Variants in KIF2A observed in about 807,000 individuals in gnomAD.
KIF2A encodes kinesin-like protein KIF2A.
A neutral mutation model predicts 100.2 loss-of-function variants in KIF2A; 22 were observed. That is an observed-to-expected ratio of 0.22 (90% CI 0.16 to 0.31). The LOEUF is 0.31. KIF2A is among the 10% of genes least tolerant of loss of function. The pLI is 1.00. For synonymous variants in KIF2A, 268 were observed against 285.9 expected, an observed-to-expected ratio of 0.94 and a Z score of 0.63; for missense variants, 495 against 898.7, an observed-to-expected ratio of 0.55 and a Z score of 5.74.
At chr5:62,314,970 C>T (rs1324779683) in intron 1 of KIF2A, among the ~76,000 whole-genome samples, 1 of 151,694 alleles carries the variant, frequency 6.6e-6, no homozygotes, top group Admixed American at 6.6e-5. Flanking sequence ...ACCATGTTGG[C>T]CAGGCTGGTC....
chr5:62,307,480 A>G (rs986111752), intron 1 of KIF2A, among the ~76,000 whole-genome samples: 7 of 152,124 alleles, frequency 4.6e-5, no homozygotes, highest in African/African-American at 1.7e-4. Flanking sequence ...CGCCAGCCAG[A>G]CTGGAAATAA....
intron 1 of KIF2A, chr5:62,308,289 T>C: frequency 7.4e-7 from 1 of 1,347,012 alleles, no homozygotes; most frequent in Non-Finnish European, 9.7e-7. Context: ...GAAAGAGTGC[T>C]GTTAATGTCA....
intron 14 of KIF2A, among the ~76,000 whole-genome samples, chr5:62,364,370 A>G (rs995392651): frequency 6.6e-5 from 10 of 152,066 alleles, no homozygotes; most frequent in Admixed American, 3.9e-4. Context: ...CTGGTCTTGA[A>G]CTTCTGACCT....
intron 1 of KIF2A, among the ~76,000 whole-genome samples, chr5:62,323,406 C>T (rs1004388977): frequency 6.6e-6 from 1 of 151,752 alleles, no homozygotes; most frequent in Non-Finnish European, 1.5e-5. Flanking sequence ...GCCTGTAGTC[C>T]TAGCTACTTG....
intron 1 of KIF2A, among the ~76,000 whole-genome samples, chr5:62,331,576 C>T (rs1031267483): frequency 1.3e-5 from 2 of 151,800 alleles, no homozygotes; most frequent in Non-Finnish European, 2.9e-5. Flanking sequence ...GGTGACAGAG[C>T]GAGACTCCGT....
intron 18 of KIF2A, among the ~76,000 whole-genome samples, chr5:62,376,131 A>G (rs566424178): frequency 2.0e-4 from 31 of 152,270 alleles, no homozygotes; most frequent in African/African-American, 6.7e-4. Context: ...TATTGCATCT[A>G]TTGGGCCTCT....
At chr5:62,353,777 A>C (rs1355373913) in intron 6 of KIF2A, among the ~76,000 whole-genome samples, 4 of 152,166 alleles carry the variant, frequency 2.6e-5, no homozygotes, top group African/African-American at 9.6e-5. Context: ...GTAAGTTCAC[A>C]TGTCTTAGTG....
chr5:62,329,240 C>T (rs1027453842), intron 1 of KIF2A, among the ~76,000 whole-genome samples: 1 of 152,184 alleles, frequency 6.6e-6, no homozygotes, highest in Non-Finnish European at 1.5e-5. Flanking sequence ...ACAGAAATGT[C>T]TCTATGTTTG....
intron 11 of KIF2A, 139 bp downstream of exon 11, chr5:62,361,668 ATTGC>A (rs1748416022): frequency 1.9e-6 from 1 of 532,888 alleles, no homozygotes; most frequent in African/African-American, 2.0e-5. Context: ...AGGTTATTAG[ATTGC>A]TTGAAAAGAA....
rs572957535 is a variant in KIF2A at position 62,362,602 on chromosome 5, A to C, written c.1119+61A>C. On this transcript the variant is annotated intron_variant, in intron 12 of 20. Transcript: ENST00000407818. The stretch of plus-strand genomic sequence containing the variant: ...ATATATATATAACATAACATTTGCC[A>C]TTTTAACCATTTTTAAGTTCAGTGG... 2.5e-5 allele frequency: 18 copies of C among 708,482 alleles called. No individual in the cohort carries two copies. In the South Asian group the frequency reaches 5.6e-4, roughly 22 times the overall value. The allele number at this position is 708,482 out of a possible 1,614,324, so 43.9% of individuals were successfully genotyped here. A position where few individuals can be genotyped will look rare whatever the true frequency, so the allele number is the denominator to read the frequency against.
chr5:62,330,201 A>C lies in KIF2A; in HGVS notation c.65-16929A>C, dbSNP rs115840199. Among the ~76,000 whole-genome samples the C allele has an allele frequency of 9.6e-3, 1,464 of 152,188 alleles. 23 individuals carry two copies. The highest frequency in any genetic ancestry group is 0.034 in the African/African-American group (1,395 of 41,524). On this transcript the variant is annotated intron_variant, in intron 1 of 20. Coordinates refer to ENST00000407818, the MANE Select transcript of KIF2A (RefSeq NM_001098511.3). ...ACCTGTCTGTACAAAAAATACAAAA[A>C]ATAGCCAGGTGTGGTGGCAGGCACC...
At chr5:62,328,613 T>C (rs1746493840) in intron 1 of KIF2A, among the ~76,000 whole-genome samples, 1 of 152,134 alleles carries the variant, frequency 6.6e-6, no homozygotes, top group South Asian at 2.1e-4. Flanking sequence ...TGCCTCAGCC[T>C]CCCAGGTAGC....
chr5:62,368,874 C>T (rs558656205), intron 16 of KIF2A, among the ~76,000 whole-genome samples: 2 of 151,912 alleles, frequency 1.3e-5, no homozygotes, highest in Non-Finnish European at 2.9e-5. Flanking sequence ...CTCCTAGCTG[C>T]AAATCCTTAT....
chr5:62,336,688 A>G (rs1280929603), intron 1 of KIF2A, among the ~76,000 whole-genome samples: 2 of 152,252 alleles, frequency 1.3e-5, no homozygotes, highest in Non-Finnish European at 2.9e-5. Context: ...AAGAAAATAG[A>G]ATAAGGATGG....
intron 16 of KIF2A, among the ~76,000 whole-genome samples, chr5:62,367,393 G>A (rs950006068): frequency 1.3e-5 from 2 of 151,724 alleles, no homozygotes; most frequent in Admixed American, 6.6e-5. Context: ...CAGCCCCCTG[G>A]GTAGCTGGGA....
chr5:62,357,894 T>G (rs1337361872), intron 8 of KIF2A, 149 bp downstream of exon 8: 2 of 647,720 alleles, frequency 3.1e-6, no homozygotes, highest in Non-Finnish European at 5.4e-6. Context: ...ATGGCTAAAC[T>G]TGTCAGTTTG....
intron 1 of KIF2A, among the ~76,000 whole-genome samples, chr5:62,317,529 G>C (rs1377139891): frequency 6.6e-6 from 1 of 152,178 alleles, no homozygotes; most frequent in Non-Finnish European, 1.5e-5. Flanking sequence ...GCAAATCTGA[G>C]ATTAGAACAT....
At chr5:62,373,351 G>C (rs1461876707) in intron 17 of KIF2A, among the ~76,000 whole-genome samples, 1 of 151,730 alleles carries the variant, frequency 6.6e-6, no homozygotes, top group African/African-American at 2.4e-5. Flanking sequence ...ACTTTGATGA[G>C]CCAGTAGTAA....
intron 1 of KIF2A, among the ~76,000 whole-genome samples, chr5:62,337,857 C>T (rs1232275691): frequency 6.6e-6 from 1 of 151,312 alleles, no homozygotes; most frequent in Non-Finnish European, 1.5e-5. Flanking sequence ...AATTGCTGGC[C>T]AGTATCAGTC....
Sources: allele counts gnomAD v4.1 joint callset (sites outside exome capture counted in the v4.1 genomes callset), GRCh38; gene constraint gnomAD v4.1.1; transcripts MANE v1.5; gene names NCBI Gene and HGNC (gene_info 2026-07-23, HGNC 2026-07-21).